Variants in METTL4 observed in about 807,000 individuals in gnomAD.
The protein encoded by METTL4 is methyltransferase 4, N6-adenosine.
A neutral mutation model predicts 54.0 loss-of-function variants in METTL4; 40 were observed. That is an observed-to-expected ratio of 0.74 (90% CI 0.58 to 0.96). METTL4 has a LOEUF of 0.96. METTL4 is among the 50% of genes least tolerant of loss of function. The pLI, the probability that METTL4 is intolerant of heterozygous loss-of-function variation, is 0.00. For missense variants in METTL4, 525 were observed against 549.0 expected (o/e 0.96, Z 0.44); for synonymous variants, 169 against 183.8 (o/e 0.92, Z 0.65).
intron 4 of METTL4, chr18:2,553,470 A>G (rs2072192528): frequency 6.6e-6 from 1 of 152,226 alleles, no homozygotes; most frequent in Non-Finnish European, 1.5e-5. Flanking sequence ...GATGTTAAAG[A>G]GTCTTTGGTT....
chr18:2,553,910 G>T (rs1279555705), intron 4 of METTL4: 4 of 152,102 alleles, frequency 2.6e-5, no homozygotes, highest in Admixed American at 2.6e-4. Context: ...ACTGCTACAT[G>T]GATAACCACT....
intron 2 of METTL4, 37 bp from the exon 3 acceptor site, chr18:2,563,896 T>G: frequency 6.6e-7 from 1 of 1,503,892 alleles, no homozygotes; most frequent in East Asian, 2.3e-5. Context: ...AAAGTTATGT[T>G]GCCATTAATA....
intron 3 of METTL4, among the ~76,000 whole-genome samples, chr18:2,558,642 A>G (rs1013958566): frequency 1.3e-5 from 2 of 151,718 alleles, no homozygotes; most frequent in African/African-American, 4.8e-5. Flanking sequence ...AAAAACACAG[A>G]AGTCAATAAA....
intron 3 of METTL4, 86 bp from the exon 4 acceptor site, chr18:2,555,124 T>A (rs202050858): frequency 1.5e-6 from 2 of 1,295,990 alleles, no homozygotes; most frequent in South Asian, 2.6e-5. Context: ...GTTTATAAAC[T>A]GAAATCAATA....
At chr18:2,558,574 T>A (rs2072270746) in intron 3 of METTL4, among the ~76,000 whole-genome samples, 1 of 147,452 alleles carries the variant, frequency 6.8e-6, no homozygotes, top group African/African-American at 2.5e-5. Flanking sequence ...CCCAAGAAAA[T>A]TAAAAATTAA....
chr18:2,564,196 G>T (rs1439902695), intron 2 of METTL4, among the ~76,000 whole-genome samples: 1 of 150,846 alleles, frequency 6.6e-6, no homozygotes, highest in Non-Finnish European at 1.5e-5. Flanking sequence ...GAGGTCAGAA[G>T]ATCGAGACCA....
intron 2 of METTL4, among the ~76,000 whole-genome samples, chr18:2,564,965 G>A (rs537859708): frequency 2.6e-5 from 4 of 152,226 alleles, no homozygotes; most frequent in South Asian, 2.1e-4. Flanking sequence ...TGTGTGACAC[G>A]TAGTAAATGA....
At position 2,566,942 on chromosome 18, in the gene METTL4, A is replaced by C; in HGVS notation, c.275T>G (p.Leu92Arg). Residue 92 changes from leucine (L) to arginine (R), a missense_variant, in exon 2 of 9, where the codon CTG becomes CGG. Coordinates refer to ENST00000574538, the MANE Select transcript of METTL4 (RefSeq NM_022840.5). ...TATATAAGGTTTGGTGACATCAAACAGTTCAGGTCGAAAAACAAATTTTCG... is the reference window on the plus strand; with the variant it reads ...TATATAAGGTTTGGTGACATCAAACCGTTCAGGTCGAAAAACAAATTTTCG... ...FTRKFVFRPELFDVTKPYITP... is the reference protein window; with the variant it reads ...FTRKFVFRPERFDVTKPYITP... 1 of 1,614,184 alleles carries C rather than the reference A, an allele frequency of 6.2e-7. No individual in the cohort carries two copies. Among genetic ancestry groups the C allele is most frequent in the Non-Finnish European group, 8.5e-7 (1 of 1,180,014 alleles).
chr18:2,555,389 T>G (rs1431788849), intron 3 of METTL4: 1 of 233,966 alleles, frequency 4.3e-6, no homozygotes, highest in African/African-American at 2.4e-5. Flanking sequence ...CTTCATTCCT[T>G]TGGGAGGAGA....
At position 2,566,940 on chromosome 18, in the gene METTL4, A is replaced by G. The variant is rs749087423; in HGVS notation, c.277T>C (p.Phe93Leu). 4 of 1,614,172 alleles carry G rather than the reference A, an allele frequency of 2.5e-6. No individual in the cohort carries two copies. Among genetic ancestry groups the G allele is most frequent in the Non-Finnish European group, 3.4e-6 (4 of 1,180,018 alleles). ...TRKFVFRPEL[F>L]DVTKPYITPA... The stretch of plus-strand genomic sequence containing the variant: ...GTTATATAAGGTTTGGTGACATCAA[A>G]CAGTTCAGGTCGAAAAACAAATTTT... The change falls in exon 2 of 9, where the codon TTT becomes CTT. Residue 93 changes from phenylalanine to leucine, a missense_variant. Physicochemically the swap from Phe to Leu is conservative, Grantham distance 22. Coordinates refer to ENST00000574538, the MANE Select transcript of METTL4 (RefSeq NM_022840.5).
chr18:2,544,352 C>T, intron 7 of METTL4, 66 bp from the exon 8 acceptor site: 1 of 1,160,358 alleles, frequency 8.6e-7, no homozygotes, highest in Non-Finnish European at 1.2e-6. Flanking sequence ...TAAGCCACAG[C>T]TGCATTGATT....
chr18:2,556,985 A>G (rs184690526), intron 3 of METTL4, among the ~76,000 whole-genome samples: 5 of 152,350 alleles, frequency 3.3e-5, no homozygotes, highest in Non-Finnish European at 5.9e-5. Flanking sequence ...CAGTAGCAAG[A>G]GCTTTTAAAA....
chr18:2,543,097 G>T (rs1026515301), intron 8 of METTL4, among the ~76,000 whole-genome samples: 1 of 137,646 alleles, frequency 7.3e-6, no homozygotes, highest in Non-Finnish European at 1.5e-5. Flanking sequence ...GTATGTGACA[G>T]AGTGAGACTC....
chr18:2,563,735 C>T, intron 3 of METTL4, 62 bp downstream of exon 3: 1 of 1,181,236 alleles, frequency 8.5e-7, no homozygotes, highest in South Asian at 1.4e-5. Flanking sequence ...TTATGTTGTC[C>T]ATTTATTTTC....
At chr18:2,546,076 G>A (rs762155190) in intron 6 of METTL4, among the ~76,000 whole-genome samples, 2 of 151,922 alleles carry the variant, frequency 1.3e-5, no homozygotes, top group African/African-American at 2.4e-5. Context: ...CTCCTATCAC[G>A]GTCCTATACC....
chr18:2,543,581 C>T (rs1223647575), intron 8 of METTL4, among the ~76,000 whole-genome samples: 2 of 152,142 alleles, frequency 1.3e-5, no homozygotes, highest in African/African-American at 4.8e-5. Flanking sequence ...GAGTGACTTG[C>T]CCAACTCCCA....
chr18:2,552,941 G>A (rs1182406449), intron 4 of METTL4, 177 bp from the exon 5 acceptor site: 4 of 551,660 alleles, frequency 7.3e-6, no homozygotes, highest in African/African-American at 3.8e-5. Flanking sequence ...AATATTAGAT[G>A]TTTCCTTTAC....
At chr18:2,544,815 C>CCG in intron 6 of METTL4, 56 bp from the exon 7 acceptor site, 1 of 1,073,156 alleles carries the variant, frequency 9.3e-7, no homozygotes, top group East Asian at 2.4e-5. Flanking sequence ...TATAGAGCTT[C>CCG]CACACACACA....
intron 5 of METTL4, 35 bp downstream of exon 5, chr18:2,552,660 T>A (rs2072179617): frequency 1.4e-6 from 2 of 1,477,832 alleles, no homozygotes; most frequent in Non-Finnish European, 1.9e-6. Flanking sequence ...GGACTACAGT[T>A]TTTTTAGAAA....
Sources: allele counts gnomAD v4.1 joint callset (sites outside exome capture counted in the v4.1 genomes callset), GRCh38; gene constraint gnomAD v4.1.1; transcripts MANE v1.5; gene names NCBI Gene and HGNC (gene_info 2026-07-23, HGNC 2026-07-21).